Variants in GSE1 observed in about 807,000 individuals in gnomAD.
GSE1 encodes the protein Gse1 coiled-coil protein, also known as genetic suppressor element 1.
GSE1 carries 32 observed loss-of-function variants against 112.6 expected under a neutral mutation model. The ratio of observed to expected loss-of-function variants is 0.28; its 90% CI spans 0.21 to 0.38. GSE1 has a LOEUF of 0.38. Among genes scored for constraint, GSE1 ranks in the 10% least tolerant of loss-of-function variants. GSE1 has a pLI of 1.00. For missense variants in GSE1, 2,348 were observed against 1,699.2 expected (o/e 1.38, Z -6.71); for synonymous variants, 1,115 against 735.6 (o/e 1.52, Z -8.35).
At chr16:85,549,365 C>T (rs991669339) in intron 2 of GSE1, among the ~76,000 whole-genome samples, 3 of 152,020 alleles carry the variant, frequency 2.0e-5, no homozygotes, top group South Asian at 2.1e-4. Flanking sequence ...TTTGTAGCGA[C>T]GGAGTCCCAC....
At chr16:85,479,666 C>G (rs16975633) in intron 2 of GSE1, among the ~76,000 whole-genome samples, 9,509 of 152,198 alleles carry the variant, frequency 0.062, 500 homozygotes, top group African/African-American at 0.15. Flanking sequence ...TTTTAGCTCA[C>G]CAACCCTTCT....
At chr16:85,611,865 G>A (rs1044044313), upstream of GSE1, among the ~76,000 whole-genome samples, 1 of 151,928 alleles carries the variant, frequency 6.6e-6, no homozygotes, top group Non-Finnish European at 1.5e-5. Flanking sequence ...CGCGGGGAGG[G>A]GGAGGGAGGA....
At chr16:85,667,595 C>T (rs1166852619) in intron 13 of GSE1, among the ~76,000 whole-genome samples, 4 of 152,222 alleles carry the variant, frequency 2.6e-5, no homozygotes, top group South Asian at 2.1e-4. Flanking sequence ...CAGTGGCTCA[C>T]GCTTGTAATT....
chr16:85,253,291 C>G (rs905410946), intron 1 of GSE1, among the ~76,000 whole-genome samples: 14 of 152,170 alleles, frequency 9.2e-5, no homozygotes, highest in Non-Finnish European at 1.8e-4. Flanking sequence ...TCTGCAACCC[C>G]GCTTGCTTGG....
intron 2 of GSE1, among the ~76,000 whole-genome samples, chr16:85,398,494 A>G (rs914814230): frequency 6.6e-6 from 1 of 152,020 alleles, no homozygotes; most frequent in African/African-American, 2.4e-5. Context: ...TAGACTGGGG[A>G]TACCCCTGCA....
intron 2 of GSE1, among the ~76,000 whole-genome samples, chr16:85,516,435 C>T (rs1267922306): frequency 8.7e-6 from 1 of 114,558 alleles, no homozygotes; most frequent in South Asian, 2.8e-4. Context: ...GCCTGGGCTG[C>T]ATAGAGAGAC....
intron 1 of GSE1, among the ~76,000 whole-genome samples, chr16:85,629,317 G>A (rs35505957): frequency 0.17 from 25,723 of 152,218 alleles, 2,560 homozygotes; most frequent in Non-Finnish European, 0.23. Context: ...ACATCTGCCC[G>A]GGTGGCCAGC....
intron 10 of GSE1, 61 bp downstream of exon 10, chr16:85,663,154 A>C: frequency 1.5e-6 from 2 of 1,294,538 alleles, no homozygotes; most frequent in South Asian, 2.4e-5. Context: ...TAGCGTCCAC[A>C]CCCTGCAGTC....
Position 85,663,065 on chromosome 16 carries a change from C to T in GSE1, c.2345C>T (p.Pro782Leu), listed in dbSNP as rs148817156. 1.8e-4 allele frequency: 293 copies of T among 1,611,846 alleles called. No homozygotes were observed. The highest frequency in any genetic ancestry group is 4.9e-4 in the Middle Eastern group (3 of 6,062). The change falls in exon 10 of 16, where the codon CCG becomes CTG. Residue 782 changes from proline (P) to leucine (L), a missense_variant. Pro to Leu is a moderately conservative substitution (Grantham distance 98). Transcript: ENST00000253458. ...CACCTCCGTTGCGTGGCCGAGCAGC[C>T]GCCCCTCAAACTGGACACGTCCTCT... ...RAHLRCVAEQ[P>L]PLKLDTSSEK...
intron 2 of GSE1, among the ~76,000 whole-genome samples, chr16:85,513,087 A>C (rs1261710495): frequency 2.6e-5 from 4 of 151,496 alleles, no homozygotes; most frequent in Non-Finnish European, 4.4e-5. Flanking sequence ...CGTCTCCATC[A>C]CTCTGCTCTG....
At chr16:85,176,125 A>G (rs1425124106) in intron 1 of GSE1, among the ~76,000 whole-genome samples, 1 of 152,120 alleles carries the variant, frequency 6.6e-6, no homozygotes, top group East Asian at 1.9e-4. Context: ...AGTAGCTGGG[A>G]CCATAGGTGT....
At chr16:85,201,663 C>A (rs917134359) in intron 1 of GSE1, among the ~76,000 whole-genome samples, 3 of 150,070 alleles carry the variant, frequency 2.0e-5, no homozygotes, top group East Asian at 2.0e-4. Context: ...AAAAAAAAAA[C>A]AACAACAAAA....
chr16:85,449,080 G>T (rs943403511), intron 2 of GSE1, among the ~76,000 whole-genome samples: 1 of 152,188 alleles, frequency 6.6e-6, no homozygotes, highest in East Asian at 1.9e-4. Context: ...GCTGGAAACC[G>T]GGCCGGGAGC....
At chr16:85,456,796 C>A (rs908961706) in intron 2 of GSE1, among the ~76,000 whole-genome samples, 1 of 151,986 alleles carries the variant, frequency 6.6e-6, no homozygotes, top group Non-Finnish European at 1.5e-5. Context: ...AGGGTCCTGG[C>A]GGGGAGAACC....
intron 1 of GSE1, among the ~76,000 whole-genome samples, chr16:85,230,002 A>G (rs796972092): frequency 9.2e-5 from 14 of 152,318 alleles, no homozygotes; most frequent in African/African-American, 2.6e-4. Flanking sequence ...TGTAATTGAA[A>G]GGGCTCTGGG....
intron 8 of GSE1, among the ~76,000 whole-genome samples, chr16:85,660,637 T>C (rs1332392258): frequency 2.0e-5 from 3 of 152,040 alleles, no homozygotes; most frequent in African/African-American, 7.2e-5. Flanking sequence ...AGTCTTTTTT[T>C]TTGTTTTTTT....
intron 2 of GSE1, among the ~76,000 whole-genome samples, chr16:85,476,952 G>A (rs888844065): frequency 1.3e-5 from 2 of 148,614 alleles, no homozygotes; most frequent in Admixed American, 6.7e-5. Context: ...TTGAGCTGGG[G>A]TCTTGCTTTG....
At chr16:85,487,738 G>A (rs946424089) in intron 2 of GSE1, among the ~76,000 whole-genome samples, 2 of 152,302 alleles carry the variant, frequency 1.3e-5, no homozygotes, top group Non-Finnish European at 2.9e-5. Context: ...GGAAATGGGC[G>A]GTGGTGGGGG....
At position 85,613,344 on chromosome 16, in the gene GSE1, C is replaced by T. The variant is rs371365008; in HGVS notation, c.-48C>T. The T allele has an allele frequency of 8.8e-5, 137 of 1,563,218 alleles. No homozygotes were observed. The highest frequency in any genetic ancestry group is 1.1e-4 in the Non-Finnish European group (125 of 1,154,578). On this transcript the variant is annotated 5_prime_UTR_variant, in exon 1 of 16. It adds an upstream start codon to the 5' untranslated region. Transcript: ENST00000253458. The stretch of plus-strand genomic sequence containing the variant: ...AGCAGTTTAGACAAACACTGGGCGA[C>T]GGTGGCTCCAGCATGTATCAGCCGA...
Sources: allele counts gnomAD v4.1 joint callset (sites outside exome capture counted in the v4.1 genomes callset), GRCh38; gene constraint gnomAD v4.1.1; transcripts MANE v1.5; gene names NCBI Gene and HGNC (gene_info 2026-07-23, HGNC 2026-07-21).